CALN1: variants seen among roughly 807,000 people sequenced by gnomAD.
CALN1 encodes calcium-binding protein 8.
Under a neutral mutation model 30.6 loss-of-function variants are expected in CALN1, and 17 were observed. The observed-to-expected ratio is 0.56, with a 90% CI of 0.38 to 0.83. The LOEUF is 0.83. CALN1 is among the 40% of genes least tolerant of loss of function. The probability of loss-of-function intolerance (pLI) is 0.00; values close to 1 mark genes in which losing one functional copy is unlikely to be tolerated. For missense variants in CALN1, 291 were observed against 354.9 expected, an observed-to-expected ratio of 0.82 and a Z score of 1.45; for synonymous variants, 156 against 131.4, an observed-to-expected ratio of 1.19 and a Z score of -1.28.
chr7:71,854,057 G>C (rs1376441676), intron 5 of CALN1, among the ~76,000 whole-genome samples: 1 of 152,144 alleles, frequency 6.6e-6, no homozygotes, highest in Non-Finnish European at 1.5e-5. Flanking sequence ...TTGTGTGTGT[G>C]TGTGTGTAGG....
chr7:72,363,723 AC>A (rs1356773241), intron 2 of CALN1, among the ~76,000 whole-genome samples: 21 of 122,850 alleles, frequency 1.7e-4, no homozygotes, highest in Non-Finnish European at 2.9e-4. Flanking sequence ...GTTAAAAAAA[AC>A]TTTTTTTTTT....
At chr7:71,816,429 G>C (rs1247401377) in intron 5 of CALN1, among the ~76,000 whole-genome samples, 1 of 152,088 alleles carries the variant, frequency 6.6e-6, no homozygotes, top group Non-Finnish European at 1.5e-5. Context: ...TGCATGAAGA[G>C]GATGATTTAC....
At chr7:72,427,312 A>G (rs1358084239) in intron 1 of CALN1, among the ~76,000 whole-genome samples, 1 of 151,974 alleles carries the variant, frequency 6.6e-6, no homozygotes, top group African/African-American at 2.4e-5. Flanking sequence ...GAAGAAACCA[A>G]ATTTTCCTTA....
At chr7:72,209,230 T>C (rs1450944055) in intron 3 of CALN1, among the ~76,000 whole-genome samples, 1 of 18,180 alleles carries the variant, frequency 5.5e-5, no homozygotes, top group Non-Finnish European at 1.0e-4. Context: ...CCTTCCCTCT[T>C]TCCTTCCCTC....
rs143526162 is a variant in CALN1 at position 71,780,925 on chromosome 7, C to T, written c.*6850G>A. On this transcript the variant is annotated 3_prime_UTR_variant, in exon 7 of 7. Transcript: ENST00000395275. Reference sequence around the variant, plus strand: ...AGAAAGCTCATCTTTGATGCTCCCTCGAGTCAGCAAGTCCTTAGAGAATAA... The same window carrying T: ...AGAAAGCTCATCTTTGATGCTCCCTTGAGTCAGCAAGTCCTTAGAGAATAA... 8 of 152,262 alleles carry T rather than the reference C, an allele frequency of 5.3e-5. No individual in the cohort carries two copies. The East Asian group carries it at 1.2e-3, about 22-fold the overall frequency. 9.4% of individuals were successfully genotyped at this position (152,262 alleles called of 1,614,324 possible). A position where few individuals can be genotyped will look rare whatever the true frequency, so the allele number is the denominator to read the frequency against.
At chr7:72,267,971 C>T (rs1239731708) in intron 3 of CALN1, among the ~76,000 whole-genome samples, 3 of 152,130 alleles carry the variant, frequency 2.0e-5, no homozygotes, top group African/African-American at 7.2e-5. Flanking sequence ...CGTGCCACTG[C>T]ACTCCAGCCG....
chr7:72,340,352 T>C (rs1802324515), intron 2 of CALN1, among the ~76,000 whole-genome samples: 1 of 151,820 alleles, frequency 6.6e-6, no homozygotes, highest in South Asian at 2.1e-4. Context: ...GGATTACTAG[T>C]CCCAATGTGA....
intron 3 of CALN1, among the ~76,000 whole-genome samples, chr7:72,129,360 A>T (rs1229730783): frequency 1.3e-5 from 2 of 152,146 alleles, no homozygotes; most frequent in African/African-American, 4.8e-5. Flanking sequence ...CAATGATTCC[A>T]CCTCTAGAAA....
At chr7:72,195,690 C>T (rs1790939356) in intron 3 of CALN1, among the ~76,000 whole-genome samples, 1 of 152,078 alleles carries the variant, frequency 6.6e-6, no homozygotes, top group African/African-American at 2.4e-5. Flanking sequence ...AAGAACAATA[C>T]CTTATTCATC....
intron 2 of CALN1, among the ~76,000 whole-genome samples, chr7:72,347,646 C>G (rs1279975257): frequency 6.6e-6 from 1 of 152,148 alleles, no homozygotes; most frequent in South Asian, 2.1e-4. Flanking sequence ...GCCGGACAGA[C>G]AACTTGTTAA....
At chr7:72,049,558 A>G (rs1376054702) in intron 4 of CALN1, among the ~76,000 whole-genome samples, 2 of 152,192 alleles carry the variant, frequency 1.3e-5, no homozygotes, top group Admixed American at 6.5e-5. Context: ...CCCAGTCTGG[A>G]GTGCAGTGGC....
intron 3 of CALN1, among the ~76,000 whole-genome samples, chr7:72,202,064 G>A (rs981551674): frequency 6.6e-6 from 1 of 152,200 alleles, no homozygotes; most frequent in Admixed American, 6.5e-5. Context: ...TTCATGAAAT[G>A]TGAGTAAACA....
intron 2 of CALN1, among the ~76,000 whole-genome samples, chr7:72,367,224 C>T (rs760341819): frequency 2.6e-5 from 4 of 152,132 alleles, no homozygotes; most frequent in Admixed American, 6.6e-5. Flanking sequence ...TCTGGGGTCA[C>T]ACCTGTAATC....
intron 4 of CALN1, among the ~76,000 whole-genome samples, chr7:72,064,127 C>T (rs975943404): frequency 6.6e-6 from 1 of 151,780 alleles, no homozygotes; most frequent in African/African-American, 2.4e-5. Flanking sequence ...ACTACAAATA[C>T]AAAAATTAGC....
intron 5 of CALN1, among the ~76,000 whole-genome samples, chr7:71,911,506 G>A (rs1457402195): frequency 1.3e-5 from 2 of 152,020 alleles, no homozygotes; most frequent in Admixed American, 6.6e-5. Flanking sequence ...GAGGCAGAAG[G>A]ACCTGACATT....
chr7:71,803,187 G>A (rs879684292), intron 6 of CALN1, among the ~76,000 whole-genome samples: 1 of 152,154 alleles, frequency 6.6e-6, no homozygotes, highest in Non-Finnish European at 1.5e-5. Context: ...TGTAATGCCA[G>A]AGAGTTCCTG....
chr7:72,395,418 A>C (rs1277338716), intron 2 of CALN1, among the ~76,000 whole-genome samples: 1 of 152,214 alleles, frequency 6.6e-6, no homozygotes, highest in Non-Finnish European at 1.5e-5. Context: ...GGAAAAACTG[A>C]GATAAATGAA....
At chr7:72,144,010 A>G (rs541178878) in intron 3 of CALN1, among the ~76,000 whole-genome samples, 81 of 152,364 alleles carry the variant, frequency 5.3e-4, no homozygotes, top group Middle Eastern at 3.4e-3. Context: ...GGTACTAGCC[A>G]CTGCAAAAAC....
At chr7:72,396,236 A>T (rs1260467464) in intron 2 of CALN1, among the ~76,000 whole-genome samples, 9 of 62,446 alleles carry the variant, frequency 1.4e-4, no homozygotes, top group Admixed American at 4.5e-4. Context: ...TGTCTCTACT[A>T]AAAAAAAAAA....
Sources: gnomAD v4.1 joint callset for allele counts (sites outside exome capture counted in the v4.1 genomes callset) on GRCh38, gnomAD v4.1.1 for gene constraint, MANE v1.5 for transcripts, NCBI Gene and HGNC (gene_info 2026-07-23, HGNC 2026-07-21) for gene names.